Variants in KLHL8 observed in about 807,000 individuals in gnomAD.
KLHL8 encodes the protein kelch-like protein 8.
KLHL8 carries 38 observed loss-of-function variants against 63.5 expected under a neutral mutation model. The observed-to-expected ratio is 0.60, with a 90% CI of 0.46 to 0.78. The LOEUF (loss-of-function observed/expected upper bound fraction) is 0.78, where lower values mean the gene tolerates loss of function less well. Ranked by LOEUF, KLHL8 falls within the 30% of genes least tolerant of loss-of-function variation. The pLI is 0.00. For missense variants in KLHL8, 566 were observed against 752.4 expected, an observed-to-expected ratio of 0.75 and a Z score of 2.90; for synonymous variants, 224 against 254.3, an observed-to-expected ratio of 0.88 and a Z score of 1.13.
At chr4:87,188,319 C>T (rs1731343101) in intron 2 of KLHL8, among the ~76,000 whole-genome samples, 1 of 152,108 alleles carries the variant, frequency 6.6e-6, no homozygotes, top group Non-Finnish European at 1.5e-5. Flanking sequence ...ATGACTTAAA[C>T]CTGCTCCATT....
At chr4:87,205,087 AG>A (rs1339445108) in intron 1 of KLHL8, among the ~76,000 whole-genome samples, 1 of 152,222 alleles carries the variant, frequency 6.6e-6, no homozygotes, top group Non-Finnish European at 1.5e-5. Context: ...CTACTGCTTA[AG>A]GGATAAATCA....
rs755035513 is a variant in KLHL8 at position 87,170,190 on chromosome 4, T to G, written c.1426A>C (p.Ser476Arg). 6.2e-7 allele frequency: 1 copy of G among 1,613,834 alleles called. No homozygotes were observed. ...GGNDGMASLS[S>R]VERYDPHLDK... ...AGATGTGGATCATATCTCTCCACGC[T>G]AGATAAAGAAGCCATTCCATCATTG... The change falls in exon 8 of 10, where the codon AGC (serine) becomes CGC (arginine). Residue 476 changes from serine to arginine, a missense_variant. Ser to Arg is a moderately radical substitution (Grantham distance 110, BLOSUM62 -1). Coordinates refer to ENST00000273963, the MANE Select transcript of KLHL8 (RefSeq NM_020803.5).
In KLHL8 at chr4:87,170,169, G is replaced by A; in HGVS notation, c.1447C>T (p.His483Tyr). The A allele has an allele frequency of 1.2e-6, 2 of 1,613,800 alleles. No individual in the cohort carries two copies. Among genetic ancestry groups the A allele is most frequent in the Non-Finnish European group, 1.7e-6 (2 of 1,179,702 alleles). Residue 483 changes from histidine (H) to tyrosine (Y), a missense_variant, in exon 8 of 10, where the codon CAT (histidine) becomes TAT (tyrosine). By Grantham distance (83) the His-to-Tyr change is moderately conservative. Coordinates refer to ENST00000273963, the MANE Select transcript of KLHL8 (RefSeq NM_020803.5). The stretch of plus-strand genomic sequence containing the variant: ...TTAACTTCTATCCACTTATCCAGAT[G>A]TGGATCATATCTCTCCACGCTAGAT... ...SLSSVERYDPHLDKWIEVKEM... is the reference protein window; with the variant it reads ...SLSSVERYDPYLDKWIEVKEM...
At chr4:87,176,565 A>T (rs1730822825) in intron 6 of KLHL8, among the ~76,000 whole-genome samples, 192 bp downstream of exon 6, 1 of 152,248 alleles carries the variant, frequency 6.6e-6, no homozygotes, top group African/African-American at 2.4e-5. Context: ...ACTCTAAAAC[A>T]TGACTGCATT....
intron 1 of KLHL8, among the ~76,000 whole-genome samples, chr4:87,225,816 T>G (rs542635520): frequency 6.6e-6 from 1 of 152,310 alleles, no homozygotes; most frequent in East Asian, 1.9e-4. Context: ...TGAAAATTAC[T>G]AGTGCTGGTG....
At chr4:87,204,907 T>C (rs1732057184) in intron 1 of KLHL8, among the ~76,000 whole-genome samples, 2 of 152,172 alleles carry the variant, frequency 1.3e-5, no homozygotes, top group African/African-American at 4.8e-5. Context: ...TAAAATTGAT[T>C]TGGGTGATGA....
At chr4:87,216,725 T>C (rs1169933103) in intron 1 of KLHL8, among the ~76,000 whole-genome samples, 1 of 152,094 alleles carries the variant, frequency 6.6e-6, no homozygotes, top group African/African-American at 2.4e-5. Flanking sequence ...CAATATACTT[T>C]CTTGCATGAC....
intron 1 of KLHL8, among the ~76,000 whole-genome samples, chr4:87,204,383 TA>T (rs778181173): frequency 5.4e-3 from 743 of 137,554 alleles, no homozygotes; most frequent in Admixed American, 7.4e-3. Context: ...ATCACTGTTC[TA>T]AAAAAAAAAA....
Position 87,195,477 on chromosome 4 carries a change from T to C in KLHL8, c.63A>G (p.Gln21=). 1.2e-6 allele frequency: 2 copies of C among 1,613,954 alleles called. No homozygotes were observed. Among genetic ancestry groups the C allele is most frequent in the South Asian group, 1.1e-5 (1 of 91,078 alleles). The change falls in exon 2 of 10, where the codon CAA becomes CAG. Residue 21 remains glutamine, a synonymous_variant. Coordinates refer to ENST00000273963, the MANE Select transcript of KLHL8 (RefSeq NM_020803.5). ...ARNHITKGKR[Q]QQHQQIKNRS... is the part of the protein sequence containing the mutation. ...TGTTCTTTATTTGCTGGTGCTGTTG[T>C]TGCCTTTTCCCCTTTGTAATGTGAT...
chr4:87,194,178 T>G (rs747269736), intron 2 of KLHL8, among the ~76,000 whole-genome samples: 1 of 152,156 alleles, frequency 6.6e-6, no homozygotes, highest in Non-Finnish European at 1.5e-5. Flanking sequence ...CATGAATGGA[T>G]TAGTGCCTTA....
At chr4:87,230,671 T>C (rs1733119703) in intron 1 of KLHL8, among the ~76,000 whole-genome samples, 1 of 152,230 alleles carries the variant, frequency 6.6e-6, no homozygotes, top group Non-Finnish European at 1.5e-5. Context: ...GATTATATTA[T>C]TAGCTCTGGG....
In KLHL8 at chr4:87,162,499, C is replaced by CTACA. The variant is rs1281443375; in HGVS notation, c.*1016_*1019dup. ...TGATGGGCTTGAACTAATCAATAAA[C>CTACA]TACAGTCTACAAAAAGGTTTTTGTA... On this transcript the variant is annotated 3_prime_UTR_variant, in exon 10 of 10. Coordinates refer to ENST00000273963, the MANE Select transcript of KLHL8 (RefSeq NM_020803.5). The CTACA allele has an allele frequency of 2.0e-5, 3 of 152,134 alleles. No homozygotes were observed. The highest frequency in any genetic ancestry group is 7.2e-5 in the African/African-American group (3 of 41,438). 9.4% of individuals were successfully genotyped at this position (152,134 alleles called of 1,614,324 possible). A position where few individuals can be genotyped will look rare whatever the true frequency, so the allele number is the denominator to read the frequency against.
chr4:87,207,145 G>A, intron 1 of KLHL8: 1 of 556,348 alleles, frequency 1.8e-6, no homozygotes, highest in South Asian at 1.5e-5. Context: ...TGGTCACCAG[G>A]GTTGCTTTTA....
intron 2 of KLHL8, among the ~76,000 whole-genome samples, chr4:87,190,500 T>C (rs962226662): frequency 5.9e-5 from 9 of 151,862 alleles, no homozygotes; most frequent in Non-Finnish European, 1.2e-4. Flanking sequence ...AAAAATTAGC[T>C]GAGCATGATG....
At chr4:87,216,033 T>A (rs1433819172) in intron 1 of KLHL8, among the ~76,000 whole-genome samples, 1 of 152,180 alleles carries the variant, frequency 6.6e-6, no homozygotes, top group Non-Finnish European at 1.5e-5. Flanking sequence ...ACAAAGAACA[T>A]CCAAATTTAG....
At chr4:87,198,968 A>G (rs1261354521) in intron 1 of KLHL8, among the ~76,000 whole-genome samples, 1 of 152,244 alleles carries the variant, frequency 6.6e-6, no homozygotes, top group Non-Finnish European at 1.5e-5. Flanking sequence ...TGAAGGAAAC[A>G]TAAGATCTAT....
At chr4:87,199,183 CA>C (rs1193362315) in intron 1 of KLHL8, among the ~76,000 whole-genome samples, 1 of 151,778 alleles carries the variant, frequency 6.6e-6, no homozygotes, top group Non-Finnish European at 1.5e-5. Flanking sequence ...ACAAGAACAA[CA>C]AAAAAACCCT....
At chr4:87,166,330 T>C in intron 8 of KLHL8, among the ~76,000 whole-genome samples, 1 of 152,234 alleles carries the variant, frequency 6.6e-6, no homozygotes, top group South Asian at 2.1e-4. Context: ...TATAAATATC[T>C]ATAAGAAATA....
chr4:87,219,622 G>GC (rs1732742483), intron 1 of KLHL8: 1 of 152,322 alleles, frequency 6.6e-6, no homozygotes, highest in Admixed American at 6.5e-5. Context: ...CACGAGACAC[G>GC]TAGAAAATTC....
Sources: gnomAD v4.1 joint callset for allele counts (sites outside exome capture counted in the v4.1 genomes callset) on GRCh38, gnomAD v4.1.1 for gene constraint, MANE v1.5 for transcripts, NCBI Gene and HGNC (gene_info 2026-07-23, HGNC 2026-07-21) for gene names.